Variants in UBE2F observed in about 807,000 individuals in gnomAD.
UBE2F encodes ubiquitin conjugating enzyme E2 F (putative).
A neutral mutation model predicts 29.6 loss-of-function variants in UBE2F; 5 were observed. The ratio of observed to expected loss-of-function variants is 0.17; its 90% confidence interval spans 0.09 to 0.36. The LOEUF (loss-of-function observed/expected upper bound fraction) is 0.36, where lower values mean the gene tolerates loss of function less well. Among genes scored for constraint, UBE2F ranks in the 10% least tolerant of loss-of-function variants. UBE2F has a pLI of 1.00. For missense variants in UBE2F, 141 were observed against 228.5 expected, an observed-to-expected ratio of 0.62 and a Z score of 2.47; for synonymous variants, 66 against 81.8, an observed-to-expected ratio of 0.81 and a Z score of 1.04.
chr2:237,981,361 C>A (rs940724014), intron 2 of UBE2F, among the ~76,000 whole-genome samples: 1 of 151,834 alleles, frequency 6.6e-6, no homozygotes, highest in African/African-American at 2.4e-5. Flanking sequence ...GAGATGAGCA[C>A]TGTGGGAGTG....
At chr2:238,016,709 A>T (rs1214612723) in intron 5 of UBE2F, 76 bp downstream of exon 5, 4 of 1,313,960 alleles carry the variant, frequency 3.0e-6, no homozygotes, top group Non-Finnish European at 4.3e-6. Context: ...CCACTGGCAC[A>T]GGGCCCTAGC....
At chr2:238,024,632 A>G (rs1380472019) in intron 5 of UBE2F, among the ~76,000 whole-genome samples, 2 of 152,176 alleles carry the variant, frequency 1.3e-5, no homozygotes, top group Non-Finnish European at 1.5e-5. Context: ...TCTCCTGGGT[A>G]TCTATCATTA....
At chr2:237,995,882 T>C (rs537738423) in intron 4 of UBE2F, among the ~76,000 whole-genome samples, 1 of 152,338 alleles carries the variant, frequency 6.6e-6, no homozygotes, top group Admixed American at 6.5e-5. Flanking sequence ...TACTTGGGTA[T>C]AGGAGTTAAT....
intron 5 of UBE2F, among the ~76,000 whole-genome samples, chr2:238,025,104 A>G (rs1441299228): frequency 6.6e-6 from 1 of 152,192 alleles, no homozygotes; most frequent in Non-Finnish European, 1.5e-5. Context: ...AGGTGCTCAG[A>G]AGCCCACGGG....
intron 4 of UBE2F, among the ~76,000 whole-genome samples, chr2:238,012,294 A>G (rs1391038670): frequency 6.6e-6 from 1 of 152,108 alleles, no homozygotes; most frequent in Non-Finnish European, 1.5e-5. Context: ...AGGCTTTGTC[A>G]CTCAGTCATT....
chr2:238,030,276 G>T (rs915839657), intron 6 of UBE2F, among the ~76,000 whole-genome samples: 1 of 152,116 alleles, frequency 6.6e-6, no homozygotes, highest in African/African-American at 2.4e-5. Context: ...AATGTTCTTT[G>T]TGTGTTGTTT....
rs1462298589 is a variant in UBE2F at position 237,982,849 on chromosome 2, C to A, written c.119-5114C>A. Among the ~76,000 whole-genome samples, 1 of 152,130 alleles carries A rather than the reference C, an allele frequency of 6.6e-6. No individual in the cohort carries two copies. The highest frequency in any genetic ancestry group is 1.5e-5 in the Non-Finnish European group (1 of 68,018). ...TGGTCCGAGGTTCTGTTGTCTTTCT[C>A]CATCCTCTGCCTTTCCCATACATTG... On this transcript the variant is annotated intron_variant, in intron 2 of 9. Coordinates refer to ENST00000272930, the MANE Select transcript of UBE2F (RefSeq NM_080678.3). This position sits in a 1 kb window ranked among gnomAD's most constrained non-coding sequence, Gnocchi z 4.1.
intron 4 of UBE2F, among the ~76,000 whole-genome samples, chr2:237,997,157 G>C (rs568023648): frequency 6.6e-6 from 1 of 152,260 alleles, no homozygotes; most frequent in South Asian, 2.1e-4. Flanking sequence ...AACCCAGGGG[G>C]TGGAGGTTGC....
chr2:238,026,725 G>A (rs747740390), intron 6 of UBE2F, among the ~76,000 whole-genome samples: 7 of 152,110 alleles, frequency 4.6e-5, no homozygotes, highest in Non-Finnish European at 8.8e-5. Flanking sequence ...GAGCCACCGC[G>A]CCGGGCCGGA....
chr2:238,023,386 GCA>G (rs1224048610), intron 5 of UBE2F, among the ~76,000 whole-genome samples: 3 of 152,220 alleles, frequency 2.0e-5, no homozygotes, highest in Non-Finnish European at 4.4e-5. Context: ...ACATGGATTT[GCA>G]CAGTCAGTTT....
chr2:238,031,297 C>G (rs567231231), intron 7 of UBE2F, among the ~76,000 whole-genome samples: 1 of 152,238 alleles, frequency 6.6e-6, no homozygotes, highest in Non-Finnish European at 1.5e-5. Flanking sequence ...CTGGCAGACT[C>G]CTGCTCCCCT....
At chr2:238,030,684 G>A (rs1014478614) in intron 7 of UBE2F, 71 bp downstream of exon 7, 7 of 1,180,124 alleles carry the variant, frequency 5.9e-6, no homozygotes, top group South Asian at 2.5e-5. Flanking sequence ...CCAGCCTCCC[G>A]AGAAAGCAGC....
chr2:238,028,713 A>G (rs2064493491), intron 6 of UBE2F, among the ~76,000 whole-genome samples: 1 of 152,212 alleles, frequency 6.6e-6, no homozygotes, highest in Non-Finnish European at 1.5e-5. Context: ...GACAATTAAG[A>G]TTATAGCTTT....
chr2:237,989,309 G>A (rs1295355912), intron 3 of UBE2F, among the ~76,000 whole-genome samples: 1 of 152,080 alleles, frequency 6.6e-6, no homozygotes. Context: ...CCTCTCCATG[G>A]TTGTGAAATC....
chr2:238,023,199 G>A (rs932815903), intron 5 of UBE2F, among the ~76,000 whole-genome samples: 3 of 152,202 alleles, frequency 2.0e-5, no homozygotes, highest in Non-Finnish European at 4.4e-5. Context: ...CCCAGAAGGG[G>A]GCACAGAGCC....
At chr2:237,987,033 T>C (rs1291972931) in intron 2 of UBE2F, among the ~76,000 whole-genome samples, 2 of 152,194 alleles carry the variant, frequency 1.3e-5, no homozygotes, top group Admixed American at 1.3e-4. Context: ...AAAAATGCCA[T>C]TGGAATTTTG....
rs1559204963 is a variant in UBE2F, at chr2:237,986,142, C to CCT, written c.119-1821_119-1820insCT. 59 of 261,066 alleles carry CCT rather than the reference C, an allele frequency of 2.3e-4. 2 individuals are homozygous for CCT. Among genetic ancestry groups the CCT allele is most frequent in the South Asian group, 8.3e-4 (30 of 35,954 alleles). 16.2% of individuals were successfully genotyped at this position (261,066 alleles called of 1,614,324 possible). A position where few individuals can be genotyped will look rare whatever the true frequency, so the allele number is the denominator to read the frequency against. Reference sequence around the variant, plus strand: ...CAATTCATAGACTACCTTTTCTTTTCTTTTTTTTTTTTTTTTGAGACGGGG... The same window carrying CCT: ...CAATTCATAGACTACCTTTTCTTTTCCTTTTTTTTTTTTTTTTTGAGACGGGG... On this transcript the variant is annotated intron_variant, in intron 2 of 9. Coordinates refer to ENST00000272930, the MANE Select transcript of UBE2F (RefSeq NM_080678.3).
intron 5 of UBE2F, among the ~76,000 whole-genome samples, chr2:238,022,359 C>G (rs182038909): frequency 6.6e-6 from 1 of 152,208 alleles, no homozygotes; most frequent in Admixed American, 6.5e-5. Context: ...CTATTATGTC[C>G]TTTGCCCATG....
At chr2:237,973,005 A>G in intron 1 of UBE2F, 87 bp from the exon 2 acceptor site, 3 of 1,423,340 alleles carry the variant, frequency 2.1e-6, no homozygotes, top group Non-Finnish European at 2.8e-6. Flanking sequence ...AAAAATCAAA[A>G]TACAAAAGCA....
Sources: gnomAD v4.1 joint callset for allele counts (sites outside exome capture counted in the v4.1 genomes callset) on GRCh38, gnomAD v4.1.1 for gene constraint, Gnocchi (gnomAD v3.1) non-coding constraint, MANE v1.5 for transcripts, NCBI Gene and HGNC (gene_info 2026-07-23, HGNC 2026-07-21) for gene names.